Variants in EYA2 observed in about 807,000 individuals in gnomAD.
The protein encoded by EYA2 is protein phosphatase EYA2.
A neutral mutation model predicts 69.2 loss-of-function variants in EYA2; 31 were observed. The ratio of observed to expected loss-of-function variants is 0.45; its 90% CI spans 0.34 to 0.60. The LOEUF is 0.60. EYA2 is among the 20% of genes least tolerant of loss of function. EYA2 has a pLI of 0.02. For missense variants in EYA2, 622 were observed against 701.2 expected, an observed-to-expected ratio of 0.89 and a Z score of 1.28; for synonymous variants, 257 against 279.4, an observed-to-expected ratio of 0.92 and a Z score of 0.80.
intron 1 of EYA2, among the ~76,000 whole-genome samples, chr20:46,942,868 C>T (rs916585930): frequency 6.6e-6 from 1 of 152,156 alleles, no homozygotes; most frequent in Non-Finnish European, 1.5e-5. Flanking sequence ...CCGGTTCAAG[C>T]GATTCTCCTG....
At chr20:46,962,115 AC>A (rs956617246) in intron 1 of EYA2, among the ~76,000 whole-genome samples, 89 of 152,250 alleles carry the variant, frequency 5.8e-4, no homozygotes, top group African/African-American at 2.1e-3. Context: ...CACAGCCTCA[AC>A]CTCCTGGGCT....
In EYA2 at chr20:47,150,180, T is replaced by C. The variant is rs563441703; in HGVS notation, c.978+7032T>C. Among the ~76,000 whole-genome samples, 12 of 152,298 alleles carry C rather than the reference T, an allele frequency of 7.9e-5. No individual in the cohort carries two copies. The South Asian group carries it at 2.5e-3, about 32-fold the overall frequency. ...TGGAGGCACCTGGCGTCATCCTGCC[T>C]CACCTGAGTTTCTGCTGCATTCTCT... On this transcript the variant is annotated intron_variant, in intron 10 of 15. Transcript: ENST00000327619.
At chr20:46,942,534 A>T (rs1986201274) in intron 1 of EYA2, among the ~76,000 whole-genome samples, 1 of 152,164 alleles carries the variant, frequency 6.6e-6, no homozygotes, top group South Asian at 2.1e-4. Flanking sequence ...CTAAAAGGGA[A>T]CACCTCAAAA....
chr20:47,187,811 C>T (rs1166040573), intron 15 of EYA2, among the ~76,000 whole-genome samples: 2 of 152,236 alleles, frequency 1.3e-5, no homozygotes, highest in Non-Finnish European at 2.9e-5. Context: ...GGTCAAACAG[C>T]GAACACGCTG....
At chr20:46,907,328 A>G (rs540510364) in intron 1 of EYA2, among the ~76,000 whole-genome samples, 1 of 152,226 alleles carries the variant, frequency 6.6e-6, no homozygotes, top group South Asian at 2.1e-4. Context: ...CCGGCTTTCC[A>G]TGTCTCCACA....
chr20:47,050,315 A>T (rs942014978), intron 5 of EYA2, among the ~76,000 whole-genome samples: 4 of 152,138 alleles, frequency 2.6e-5, no homozygotes, highest in Non-Finnish European at 4.4e-5. Flanking sequence ...ACAAACACAA[A>T]ATATTCAGCA....
chr20:47,026,904 T>C (rs1368825097), intron 5 of EYA2, among the ~76,000 whole-genome samples: 1 of 152,262 alleles, frequency 6.6e-6, no homozygotes, highest in African/African-American at 2.4e-5. Flanking sequence ...CCTTATTCTT[T>C]TTCAATATGG....
At chr20:46,971,147 A>T (rs1261619064) in intron 1 of EYA2, among the ~76,000 whole-genome samples, 1 of 152,120 alleles carries the variant, frequency 6.6e-6, no homozygotes, top group East Asian at 1.9e-4. Flanking sequence ...ATCTGGTGGG[A>T]GATAAGAGAT....
At chr20:46,951,143 C>T (rs548823369) in intron 1 of EYA2, among the ~76,000 whole-genome samples, 2 of 152,264 alleles carry the variant, frequency 1.3e-5, no homozygotes, top group Non-Finnish European at 2.9e-5. Context: ...GTGACAGCAT[C>T]AGCCACGCAG....
chr20:47,092,366 T>G (rs556776107), intron 8 of EYA2, among the ~76,000 whole-genome samples: 45 of 152,176 alleles, frequency 3.0e-4, no homozygotes, highest in Non-Finnish European at 5.3e-4. Context: ...AGCTCCATCC[T>G]TTCCCCAAAT....
chr20:47,016,518 G>T (rs1332930347), intron 5 of EYA2, among the ~76,000 whole-genome samples: 1 of 152,232 alleles, frequency 6.6e-6, no homozygotes, highest in African/African-American at 2.4e-5. Context: ...GATGATTTGG[G>T]AAGGGGTTGA....
chr20:47,016,331 C>T (rs547961765), intron 5 of EYA2, 34 bp downstream of exon 5: 1 of 1,525,202 alleles, frequency 6.6e-7, no homozygotes, highest in Non-Finnish European at 9.1e-7. Flanking sequence ...TCCTGCCCAT[C>T]TCTAAGGACC....
chr20:47,157,097 G>C (rs1179437444), intron 10 of EYA2, among the ~76,000 whole-genome samples: 1 of 151,922 alleles, frequency 6.6e-6, no homozygotes, highest in African/African-American at 2.4e-5. Context: ...GCTCATGCCT[G>C]TAATTCCAGC....
intron 9 of EYA2, among the ~76,000 whole-genome samples, chr20:47,110,112 A>C (rs3787252): frequency 6.6e-6 from 1 of 152,004 alleles, no homozygotes; most frequent in Non-Finnish European, 1.5e-5. Context: ...CCATGAATCT[A>C]TAAGGCCCAG....
At chr20:46,979,822 A>T (rs938052363) in intron 1 of EYA2, 1 of 152,166 alleles carries the variant, frequency 6.6e-6, no homozygotes, top group Non-Finnish European at 1.5e-5. Context: ...TGTGCATGCA[A>T]ATAATCTCAG....
At position 46,956,729 on chromosome 20, in the gene EYA2, C is replaced by T. The variant is rs547212300; in HGVS notation, c.-10-33272C>T. Among the ~76,000 whole-genome samples the T allele has an allele frequency of 2.6e-5, 4 of 152,284 alleles. No homozygotes were observed. The South Asian group carries it at 6.2e-4, about 24-fold the overall frequency. On this transcript the variant is annotated intron_variant, in intron 1 of 15. Coordinates refer to ENST00000327619, the MANE Select transcript of EYA2 (RefSeq NM_005244.5). Reference sequence around the variant, plus strand: ...GAAGAATATCTGGATTTGGTGGGCACATAAGCATCCCTGCCTGTATTAGTC... The same window carrying T: ...GAAGAATATCTGGATTTGGTGGGCATATAAGCATCCCTGCCTGTATTAGTC...
intron 1 of EYA2, among the ~76,000 whole-genome samples, chr20:46,906,769 T>C (rs188479366): frequency 2.0e-4 from 31 of 152,330 alleles, no homozygotes; most frequent in African/African-American, 7.0e-4. Context: ...AGTATGGTTC[T>C]AGAGTTTGTC....
intron 15 of EYA2, 77 bp from the exon 16 acceptor site, chr20:47,187,976 A>T (rs1221815192): frequency 1.9e-5 from 27 of 1,458,932 alleles, no homozygotes; most frequent in Non-Finnish European, 2.5e-5. Context: ...GACTTCTCAC[A>T]TGCCCTCTAA....
At chr20:47,060,595 TGTTG>T (rs1486809253) in intron 5 of EYA2, among the ~76,000 whole-genome samples, 11 of 152,366 alleles carry the variant, frequency 7.2e-5, no homozygotes, top group African/African-American at 2.6e-4. Flanking sequence ...CAGGCATGCC[TGTTG>T]GGAGGCCAAG....
Sources: allele counts gnomAD v4.1 joint callset (sites outside exome capture counted in the v4.1 genomes callset), GRCh38; gene constraint gnomAD v4.1.1; transcripts MANE v1.5; gene names NCBI Gene and HGNC (gene_info 2026-07-23, HGNC 2026-07-21).